Variants in TMED6 observed in about 807,000 individuals in gnomAD.
TMED6 encodes transmembrane p24 trafficking protein 6.
Under a neutral mutation model 26.5 loss-of-function variants are expected in TMED6, and 17 were observed. That is an observed-to-expected ratio of 0.64 (90% CI 0.44 to 0.96). The LOEUF (loss-of-function observed/expected upper bound fraction) is 0.96, where lower values mean the gene tolerates loss of function less well. Among genes scored for constraint, TMED6 ranks in the 40% least tolerant of loss-of-function variants. The probability of loss-of-function intolerance (pLI) is 0.00; values close to 1 mark genes in which losing one functional copy is unlikely to be tolerated. For synonymous variants in TMED6, 107 were observed against 106.2 expected, an observed-to-expected ratio of 1.01 and a Z score of -0.04; for missense variants, 309 against 296.5, an observed-to-expected ratio of 1.04 and a Z score of -0.31.
intron 2 of TMED6, 70 bp from the exon 3 acceptor site, chr16:69,348,006 T>A: frequency 6.5e-7 from 1 of 1,542,176 alleles, no homozygotes; most frequent in Non-Finnish European, 8.8e-7. Flanking sequence ...CCTGGAGGTA[T>A]CTGTCCTCTA....
At position 69,343,590 on chromosome 16, in the gene TMED6, G is replaced by A; in HGVS notation, c.540C>T (p.Tyr180=). Residue 180 remains tyrosine, a synonymous_variant, in exon 4 of 4, where the codon TAC becomes TAT. Transcript: ENST00000288025. ...CCATTTTCCTCATCCGGGCAAAGTTGTAGTATCGCCACATGTGAAAGATAT... is the reference window on the plus strand; with the variant it reads ...CCATTTTCCTCATCCGGGCAAAGTTATAGTATCGCCACATGTGAAAGATAT... ...QNNIFHMWRY[Y]NFARMRKMAD... 3 of 1,614,188 alleles carry A rather than the reference G, an allele frequency of 1.9e-6. No homozygotes were observed. The highest frequency in any genetic ancestry group is 2.5e-6 in the Non-Finnish European group (3 of 1,180,040).
intron 1 of TMED6, 44 bp downstream of exon 1, chr16:69,351,497 G>C (rs777307500): frequency 6.3e-7 from 1 of 1,585,332 alleles, no homozygotes; most frequent in African/African-American, 1.4e-5. Flanking sequence ...TATGAGTAAA[G>C]GAGAAAAAAA....
chr16:69,347,710 C>A lies in TMED6; in HGVS notation c.489+78G>T, dbSNP rs552862110. 2.6e-5 allele frequency: 41 copies of A among 1,580,562 alleles called. No homozygotes were observed. In the African/African-American group the frequency reaches 4.7e-4, roughly 18 times the overall value. On this transcript the variant is annotated intron_variant, in intron 3 of 3. Transcript: ENST00000288025. ...CATCCCCTTGCCTGTTTGGTTTCTA[C>A]CTAAATGAAGTCATCTTCCCTCTGA...
chr16:69,344,248 T>C (rs888185370), intron 3 of TMED6, among the ~76,000 whole-genome samples: 3 of 152,228 alleles, frequency 2.0e-5, no homozygotes, highest in East Asian at 1.9e-4. Flanking sequence ...TGATGTTTTA[T>C]GTTCTCTGTA....
intron 3 of TMED6, among the ~76,000 whole-genome samples, chr16:69,344,404 T>C (rs1371696125): frequency 2.0e-5 from 3 of 152,174 alleles, no homozygotes; most frequent in Non-Finnish European, 4.4e-5. Flanking sequence ...CAAATGAGCA[T>C]GGCTGTGTTT....
rs1303552166 is a variant in TMED6 at position 69,351,654 on chromosome 16, G to A, written c.100C>T (p.Pro34Ser). 6.2e-7 allele frequency: 1 copy of A among 1,614,018 alleles called. No individual in the cohort carries two copies. The highest frequency in any genetic ancestry group is 1.7e-5 in the Admixed American group (1 of 59,984). ...TATCGATCAGCTCCACGGAAGAGTG[G>A]CTGGTCCCCAGAGCCACTTAGAGGT... ...TEPLSGSGDQPLFRGADRYDF... is the reference protein window; with the variant it reads ...TEPLSGSGDQSLFRGADRYDF... The change falls in exon 1 of 4, where the codon CCA becomes TCA. Residue 34 changes from proline to serine, a missense_variant. Coordinates refer to ENST00000288025, the MANE Select transcript of TMED6 (RefSeq NM_144676.4).
intron 1 of TMED6, among the ~76,000 whole-genome samples, chr16:69,350,220 C>T (rs1007529095): frequency 2.0e-5 from 3 of 147,258 alleles, no homozygotes; most frequent in South Asian, 2.2e-4. Context: ...TGCAGTGACT[C>T]GAGATCATGC....
Position 69,343,547 on chromosome 16 carries a change from G to A in TMED6, c.583C>T (p.Gln195Ter), listed in dbSNP as rs772687928. 2 of 1,614,094 alleles carry A rather than the reference G, an allele frequency of 1.2e-6. No homozygotes were observed. The highest frequency in any genetic ancestry group is 3.3e-5 in the Admixed American group (2 of 59,990). ...MRKMADFFLI[Q>*]SNYNYVNWWS... Reference sequence around the variant, plus strand: ...CAGTTCACGTAGTTATAGTTTGATTGGATAAGGAAAAAGTCAGCCATTTTC... The same window carrying A: ...CAGTTCACGTAGTTATAGTTTGATTAGATAAGGAAAAAGTCAGCCATTTTC... The change falls in exon 4 of 4, where the codon CAA becomes TAA. Residue 195 changes from glutamine to a stop codon, truncating the protein, a stop_gained. Coordinates refer to ENST00000288025, the MANE Select transcript of TMED6 (RefSeq NM_144676.4). LOFTEE classifies it high-confidence loss of function.
Position 69,343,510 on chromosome 16 carries a change from G to A in TMED6, c.620C>T (p.Ala207Val). ...AGAAAGAATAATAACAAGGCTCTGG[G>A]CTGTCGACCACCAGTTCACGTAGTT... Reference protein sequence around the residue: ...NYNYVNWWSTAQSLVIILSGI... With the variant: ...NYNYVNWWSTVQSLVIILSGI... The change falls in exon 4 of 4, where the codon GCC becomes GTC. Residue 207 changes from alanine (A) to valine (V), a missense_variant. By Grantham distance (64) the Ala-to-Val change is moderately conservative. Coordinates refer to ENST00000288025, the MANE Select transcript of TMED6 (RefSeq NM_144676.4). 3.1e-6 allele frequency: 5 copies of A among 1,614,126 alleles called. No homozygotes were observed. The highest frequency in any genetic ancestry group is 4.2e-6 in the Non-Finnish European group (5 of 1,180,036).
In TMED6 at chr16:69,343,573, C is replaced by G; in HGVS notation, c.557G>C (p.Arg186Thr). The G allele has an allele frequency of 6.2e-7, 1 of 1,614,162 alleles. No homozygotes were observed. ...GATAAGGAAAAAGTCAGCCATTTTC[C>G]TCATCCGGGCAAAGTTGTAGTATCG... ...MWRYYNFARM[R>T]KMADFFLIQS... Residue 186 changes from arginine (R) to threonine (T), a missense_variant, in exon 4 of 4, where the codon AGG becomes ACG. Transcript: ENST00000288025.
intron 1 of TMED6, among the ~76,000 whole-genome samples, chr16:69,350,491 G>A (rs1276063658): frequency 2.0e-5 from 3 of 151,914 alleles, no homozygotes; most frequent in Non-Finnish European, 4.4e-5. Context: ...GTAGAGATGC[G>A]TTTTCACCAT....
intron 1 of TMED6, 132 bp from the exon 2 acceptor site, chr16:69,349,783 C>G: frequency 1.7e-6 from 2 of 1,172,546 alleles, no homozygotes. Context: ...CAACCCCCTG[C>G]TGGGGTTTGG....
At chr16:69,351,452 C>A in intron 1 of TMED6, 89 bp downstream of exon 1, 1 of 1,254,102 alleles carries the variant, frequency 8.0e-7, no homozygotes, top group Non-Finnish European at 1.1e-6. Context: ...ATAAAGACAA[C>A]CAGACCTTGT....
chr16:69,350,046 C>T (rs1597233278), intron 1 of TMED6, among the ~76,000 whole-genome samples: 1 of 152,006 alleles, frequency 6.6e-6, no homozygotes, highest in East Asian at 2.0e-4. Flanking sequence ...CCGAGGTGGG[C>T]AGATTACAAG....
At chr16:69,348,478 C>T (rs979215115) in intron 2 of TMED6, 3 of 1,410 alleles carry the variant, frequency 2.1e-3, no homozygotes, top group African/African-American at 0.014. Flanking sequence ...GAGGGGGGCG[C>T]GGGGTGGGGA....
Position 69,343,459 on chromosome 16 carries a change from T to C in TMED6, c.671A>G (p.Lys224Arg). 6 of 1,614,176 alleles carry C rather than the reference T, an allele frequency of 3.7e-6. No individual in the cohort carries two copies. The highest frequency in any genetic ancestry group is 5.1e-6 in the Non-Finnish European group (6 of 1,180,032). Residue 224 changes from lysine (K) to arginine (R), a missense_variant, in exon 4 of 4, where the codon AAG becomes AGG. Physicochemically the swap from Lys to Arg is conservative, Grantham distance 26. Transcript: ENST00000288025. The stretch of plus-strand genomic sequence containing the variant: ...AGTTGTTGGAACATTGAAGAGACGC[T>C]TCAAGAAATACAGTTGCAGGATCCC... The part of the protein sequence containing the change: ...LSGILQLYFL[K>R]RLFNVPTTTD...
intron 3 of TMED6, among the ~76,000 whole-genome samples, 169 bp from the exon 4 acceptor site, chr16:69,343,809 G>A (rs1030433471): frequency 1.3e-5 from 2 of 152,116 alleles, no homozygotes; most frequent in African/African-American, 2.4e-5. Context: ...ATGAAATATG[G>A]TCTGGATTTG....
intron 1 of TMED6, among the ~76,000 whole-genome samples, chr16:69,350,291 C>A (rs1279784595): frequency 1.4e-5 from 2 of 147,628 alleles, no homozygotes; most frequent in African/African-American, 2.5e-5. Flanking sequence ...AAAAAAAGTA[C>A]GATTCTGGCT....
chr16:69,349,486 C>A (rs1007878559), intron 2 of TMED6, 39 bp downstream of exon 2: 5 of 1,600,524 alleles, frequency 3.1e-6, no homozygotes, highest in Non-Finnish European at 4.3e-6. Flanking sequence ...TTCATAGGAC[C>A]CTATGATTAT....
Sources: gnomAD v4.1 joint callset for allele counts (sites outside exome capture counted in the v4.1 genomes callset) on GRCh38, gnomAD v4.1.1 for gene constraint, MANE v1.5 for transcripts, NCBI Gene and HGNC (gene_info 2026-07-23, HGNC 2026-07-21) for gene names.